The following ZSCAN31 variants were observed in gnomAD, a reference collection of about 807,000 sequenced individuals.
ZSCAN31 encodes the protein zinc finger and SCAN domain containing 31.
A neutral mutation model predicts 22.5 loss-of-function variants in ZSCAN31; 14 were observed. The ratio of observed to expected loss-of-function variants is 0.62; its 90% CI spans 0.41 to 0.97. ZSCAN31 has a LOEUF of 0.97. Ranked by LOEUF, ZSCAN31 falls within the 50% of genes least tolerant of loss-of-function variation. ZSCAN31 has a pLI of 0.00. For missense variants in ZSCAN31, 424 were observed against 483.4 expected (o/e 0.88, Z 1.15); for synonymous variants, 168 against 169.8 (o/e 0.99, Z 0.08).
In ZSCAN31 at chr6:28,326,060, G is replaced by T; in HGVS notation, c.*106C>A. The T allele has an allele frequency of 9.4e-7, 1 of 1,065,688 alleles. No individual in the cohort carries two copies. Among genetic ancestry groups the T allele is most frequent in the Non-Finnish European group, 1.4e-6 (1 of 736,440 alleles). 66.0% of individuals were successfully genotyped at this position (1,065,688 alleles called of 1,614,324 possible). A position where few individuals can be genotyped will look rare whatever the true frequency, so the allele number is the denominator to read the frequency against. On this transcript the variant is annotated 3_prime_UTR_variant, in exon 4 of 4. Transcript: ENST00000344279. ...CTTTCCAAGACGGCCCCATTTAGGG[G>T]TCTGAGGGTCCACAGAATTAGTCCA...
chr6:28,355,698 A>G (rs970310402), upstream of ZSCAN31: 7 of 152,240 alleles, frequency 4.6e-5, no homozygotes, highest in Non-Finnish European at 7.3e-5. Flanking sequence ...AGAGGTTAAT[A>G]TAACATCATT....
rs767258353 is a variant in ZSCAN31 at position 28,333,894 on chromosome 6, T to TG, written c.-96+2187dup. ...ATTCTGTACCGAGAAGCTCTGCTAC[T>TG]GGATGGAGAATGAGCTGAGGGAATG... On this transcript the variant is annotated intron_variant, in intron 1 of 3. Coordinates refer to ENST00000344279, the MANE Select transcript of ZSCAN31 (RefSeq NM_030899.5). The surrounding 1 kb of genome is among the most constrained non-coding windows in gnomAD (Gnocchi z 4.1). 1.3e-5 allele frequency among the ~76,000 whole-genome samples: 2 copies of TG among 151,184 alleles called. No homozygotes were observed. The highest frequency in any genetic ancestry group is 3.0e-5 in the Non-Finnish European group (2 of 67,628).
chr6:28,332,699 T>G (rs1763850639), intron 1 of ZSCAN31, among the ~76,000 whole-genome samples: 1 of 152,224 alleles, frequency 6.6e-6, no homozygotes, highest in Admixed American at 6.5e-5. Flanking sequence ...ATGTTAATAG[T>G]CAGTAGACAG....
In ZSCAN31 at chr6:28,351,166, A is replaced by T. The variant is rs1764985926; in HGVS notation, c.-371+2696T>A. On this transcript the variant is annotated intron_variant, in intron 2 of 7. Coordinates refer to the ZSCAN31 transcript ENST00000396838. This position sits in a 1 kb window ranked among gnomAD's most constrained non-coding sequence, Gnocchi z 4.6. ...CAGTATATTTACTGATTTGATAAATACTTTGTGTTGGCAACCAATTTCCCA... is the reference window on the plus strand; with the variant it reads ...CAGTATATTTACTGATTTGATAAATTCTTTGTGTTGGCAACCAATTTCCCA... Among the ~76,000 whole-genome samples the T allele has an allele frequency of 6.6e-6, 1 of 152,162 alleles. No homozygotes were observed. Among genetic ancestry groups the T allele is most frequent in the African/African-American group, 2.4e-5 (1 of 41,434 alleles).
Position 28,326,686 on chromosome 6 carries a change from G to C in ZSCAN31, c.701C>G (p.Thr234Ser). ...ATTGCACCTGTGGCGTCTCTCTCCA[G>C]TGGAATGTGCCTGCTGCTTTTCTGC... ...SKAEKQQAHS[T>S]GERRHRCNEC... The change falls in exon 4 of 4, where the codon ACT becomes AGT. Residue 234 changes from threonine (T) to serine (S), a missense_variant. Transcript: ENST00000344279. 6.2e-7 allele frequency: 1 copy of C among 1,614,208 alleles called. No individual in the cohort carries two copies. The highest frequency in any genetic ancestry group is 1.1e-5 in the South Asian group (1 of 91,088).
intron 1 of ZSCAN31, among the ~76,000 whole-genome samples, chr6:28,330,530 C>T (rs1561911222): frequency 6.6e-6 from 1 of 152,134 alleles, no homozygotes; most frequent in Non-Finnish European, 1.5e-5. Context: ...AAAGGAAATG[C>T]TCATTGGAGC....
intron 2 of ZSCAN31, among the ~76,000 whole-genome samples, chr6:28,327,910 T>C (rs1561907359): frequency 6.6e-6 from 1 of 152,244 alleles, no homozygotes; most frequent in East Asian, 1.9e-4. Context: ...TCCTTAAGCG[T>C]CAGCCAGCTT....
rs1242701760 is a variant in ZSCAN31 at position 28,349,555 on chromosome 6, T to C, written c.-371+4307A>G. On this transcript the variant is annotated intron_variant, in intron 2 of 7. Coordinates refer to the ZSCAN31 transcript ENST00000396838. The surrounding 1 kb of genome is among the most constrained non-coding windows in gnomAD (Gnocchi z 4.1). The stretch of plus-strand genomic sequence containing the variant: ...ATTCTAATTAGGCAATGCAATCAAC[T>C]CTAAAATTAAAAGTACATTTAAAAC... Among the ~76,000 whole-genome samples the C allele has an allele frequency of 6.6e-6, 1 of 152,200 alleles. No individual in the cohort carries two copies. Among genetic ancestry groups the C allele is most frequent in the Non-Finnish European group, 1.5e-5 (1 of 68,034 alleles).
Position 28,333,837 on chromosome 6 carries a change from G to A in ZSCAN31, c.-96+2245C>T, listed in dbSNP as rs781596938. On this transcript the variant is annotated intron_variant, in intron 1 of 3. Transcript: ENST00000344279. The surrounding 1 kb of genome is among the most constrained non-coding windows in gnomAD (Gnocchi z 4.1). Reference sequence around the variant, plus strand: ...TTTATAAATGCAATGAGAAACCACTGAAGGCTTTAAGAAAGGGAGTGACAA... The same window carrying A: ...TTTATAAATGCAATGAGAAACCACTAAAGGCTTTAAGAAAGGGAGTGACAA... Among the ~76,000 whole-genome samples, 2 of 152,186 alleles carry A rather than the reference G, an allele frequency of 1.3e-5. No individual in the cohort carries two copies. Among genetic ancestry groups the A allele is most frequent in the Non-Finnish European group, 2.9e-5 (2 of 68,032 alleles).
At chr6:28,340,858 C>G (rs1207478068), upstream of ZSCAN31, among the ~76,000 whole-genome samples, 2 of 152,042 alleles carry the variant, frequency 1.3e-5, no homozygotes, top group East Asian at 3.9e-4. Flanking sequence ...CCAGCTGTCA[C>G]TTCCCTTCAG....
upstream of ZSCAN31, among the ~76,000 whole-genome samples, chr6:28,339,411 C>G (rs925991174): frequency 6.6e-6 from 1 of 152,118 alleles, no homozygotes; most frequent in Non-Finnish European, 1.5e-5. Context: ...ATTCTCATAC[C>G]TCGAGTATCT....
intron 2 of ZSCAN31, among the ~76,000 whole-genome samples, chr6:28,327,814 G>A (rs1373319064): frequency 6.6e-6 from 1 of 152,036 alleles, no homozygotes; most frequent in Non-Finnish European, 1.5e-5. Context: ...AATAGAAAGT[G>A]AGGCAGACGA....
rs1763580401 is a variant in ZSCAN31 at position 28,329,539 on chromosome 6, C to T, written c.145G>A (p.Glu49Lys). Residue 49 changes from glutamate to lysine, a missense_variant, in exon 2 of 4, where the codon GAG (glutamate) becomes AAG (lysine). Transcript: ENST00000344279. ...RQLFRQFCYQETPGPREALSR... is the reference protein window; with the variant it reads ...RQLFRQFCYQKTPGPREALSR... ...AGAGCTTCTCGGGGACCAGGAGTCT[C>T]TTGGTAACAAAACTGCCTAAAAAGT... The T allele has an allele frequency of 6.2e-7, 1 of 1,614,082 alleles. No homozygotes were observed. The highest frequency in any genetic ancestry group is 1.7e-5 in the Admixed American group (1 of 60,010).
Position 28,329,572 on chromosome 6 carries a change from AGGCTTCTT to A in ZSCAN31, c.104_111del (p.Gln35LeufsTer6). On this transcript the variant is annotated frameshift_variant, in exon 2 of 4. Transcript: ENST00000344279. LOFTEE classifies it high-confidence loss of function. ...CAAAACTGCCTAAAAAGTTGTCGGG[AGGCTTCTT>A]GGCCAGAAAAGTTGTTCCCTCGAAG... 1 of 1,614,142 alleles carries A rather than the reference AGGCTTCTT, an allele frequency of 6.2e-7. No homozygotes were observed. The highest frequency in any genetic ancestry group is 8.5e-7 in the Non-Finnish European group (1 of 1,180,012).
chr6:28,348,971 ATG>A (rs1474899610), intron 2 of ZSCAN31, among the ~76,000 whole-genome samples: 1 of 147,206 alleles, frequency 6.8e-6, no homozygotes, highest in African/African-American at 2.5e-5. Context: ...GTGTATATAC[ATG>A]TCTCATATAC....
At chr6:28,332,006 T>C (rs1002787020) in intron 1 of ZSCAN31, among the ~76,000 whole-genome samples, 17 of 152,198 alleles carry the variant, frequency 1.1e-4, no homozygotes. Context: ...CCACTGTCAG[T>C]GCTCCATAAA....
chr6:28,343,542 C>CTTTTTTTTTTTTTTTTTTTTTTT (rs34131321), intron 2 of ZSCAN31, among the ~76,000 whole-genome samples: 1 of 105,876 alleles, frequency 9.4e-6, no homozygotes, highest in Non-Finnish European at 1.8e-5. Context: ...TTTTTTCTTT[C>CTTTTTTTTTTTTTTTTTTTTTTT]TTTTTTTTTT....
chr6:28,348,096 T>A (rs1173257491), intron 2 of ZSCAN31, among the ~76,000 whole-genome samples: 4 of 152,214 alleles, frequency 2.6e-5, no homozygotes, highest in African/African-American at 9.6e-5. Flanking sequence ...TTTGTAGATG[T>A]TTATTATATA....
Position 28,329,670 on chromosome 6 carries a change from T to A in ZSCAN31, c.14A>T (p.Glu5Val). Reference sequence around the variant, plus strand: ...CACAATCTTAAGATCGTACTGTTCCTCTGTTGAAGCCATTCCTGGGGTTAA... The same window carrying A: ...CACAATCTTAAGATCGTACTGTTCCACTGTTGAAGCCATTCCTGGGGTTAA... MAST[E>V]EQYDLKIVKV... Residue 5 changes from glutamate (E) to valine (V), a missense_variant, in exon 2 of 4, where the codon GAG becomes GTG. Transcript: ENST00000344279. 1 of 1,612,206 alleles carries A rather than the reference T, an allele frequency of 6.2e-7. No homozygotes were observed. The highest frequency in any genetic ancestry group is 8.5e-7 in the Non-Finnish European group (1 of 1,178,846).
Sources: gnomAD v4.1 joint callset for allele counts (sites outside exome capture counted in the v4.1 genomes callset) on GRCh38, gnomAD v4.1.1 for gene constraint, Gnocchi (gnomAD v3.1) non-coding constraint, MANE v1.5 for transcripts, NCBI Gene and HGNC (gene_info 2026-07-23, HGNC 2026-07-21) for gene names.